The following MRPS28 variants were observed in gnomAD, a reference collection of about 807,000 sequenced individuals.
MRPS28 encodes the protein mitochondrial ribosomal protein S28, also known as small ribosomal subunit protein bS1m.
Under a neutral mutation model 10.8 loss-of-function variants are expected in MRPS28, and 7 were observed. That is an observed-to-expected ratio of 0.65 (90% CI 0.37 to 1.22). The LOEUF (loss-of-function observed/expected upper bound fraction) is 1.22, where lower values mean the gene tolerates loss of function less well. Ranked by LOEUF, MRPS28 falls within the 50% of genes most tolerant of loss-of-function variation. The pLI, the probability that MRPS28 is intolerant of heterozygous loss-of-function variation, is 0.02. For synonymous variants in MRPS28, 121 were observed against 93.3 expected, an observed-to-expected ratio of 1.30 and a Z score of -1.71; for missense variants, 265 against 232.9, an observed-to-expected ratio of 1.14 and a Z score of -0.90.
chr8:80,006,363 C>T (rs1808844904), intron 1 of MRPS28, among the ~76,000 whole-genome samples: 1 of 152,188 alleles, frequency 6.6e-6, no homozygotes, highest in Non-Finnish European at 1.5e-5. Context: ...AACTGAACAA[C>T]CTGCTCCTGA....
chr8:79,955,475 T>C (rs992157887), intron 2 of MRPS28, among the ~76,000 whole-genome samples: 2 of 152,098 alleles, frequency 1.3e-5, no homozygotes, highest in African/African-American at 4.8e-5. Context: ...CAAACTTTCT[T>C]CCACTATATA....
intron 2 of MRPS28, among the ~76,000 whole-genome samples, chr8:79,935,773 C>A (rs1806591660): frequency 6.6e-6 from 1 of 151,944 alleles, no homozygotes; most frequent in African/African-American, 2.4e-5. Context: ...ACAATGTAAG[C>A]CAGTATTTCT....
chr8:79,947,370 T>C (rs770008748), intron 2 of MRPS28, among the ~76,000 whole-genome samples: 13 of 152,260 alleles, frequency 8.5e-5, no homozygotes, highest in Non-Finnish European at 1.6e-4. Flanking sequence ...AAAAACAATA[T>C]TGTTTTGGAT....
intron 2 of MRPS28, among the ~76,000 whole-genome samples, chr8:79,985,949 C>A (rs1808150648): frequency 6.6e-6 from 1 of 152,086 alleles, no homozygotes; most frequent in Non-Finnish European, 1.5e-5. Flanking sequence ...ATCCTGATAC[C>A]AAAGCCTGGC....
chr8:79,969,354 G>C (rs1408935273), intron 2 of MRPS28, among the ~76,000 whole-genome samples: 1 of 152,092 alleles, frequency 6.6e-6, no homozygotes, highest in East Asian at 1.9e-4. Flanking sequence ...ACAACTATTT[G>C]AATTTCAATG....
chr8:80,021,128 G>A (rs1450086844), intron 1 of MRPS28, among the ~76,000 whole-genome samples: 3 of 151,096 alleles, frequency 2.0e-5, no homozygotes, highest in Admixed American at 1.3e-4. Flanking sequence ...TTAGCCTCCC[G>A]AGTAGCTGGG....
intron 2 of MRPS28, among the ~76,000 whole-genome samples, chr8:79,992,450 G>A (rs988242177): frequency 6.6e-6 from 1 of 152,018 alleles, no homozygotes; most frequent in Non-Finnish European, 1.5e-5. Context: ...GCACTTTTTT[G>A]TCTATGAAAC....
At chr8:79,956,658 G>C (rs1358406286) in intron 2 of MRPS28, 1 of 151,968 alleles carries the variant, frequency 6.6e-6, no homozygotes, top group Non-Finnish European at 1.5e-5. Flanking sequence ...GTAGACCCCA[G>C]TGTCTGTTGT....
At chr8:79,995,461 TCCA>T (rs1017505577) in intron 2 of MRPS28, among the ~76,000 whole-genome samples, 3 of 152,196 alleles carry the variant, frequency 2.0e-5, no homozygotes, top group African/African-American at 7.2e-5. Flanking sequence ...ATTGAATAAT[TCCA>T]CCTTATTTTT....
At chr8:79,955,312 T>C (rs556207489) in intron 2 of MRPS28, among the ~76,000 whole-genome samples, 15 of 152,286 alleles carry the variant, frequency 9.8e-5, no homozygotes, top group African/African-American at 3.1e-4. Context: ...ACTTCTCGAA[T>C]TTTAGGCTGT....
chr8:79,960,094 T>C (rs1279344408), intron 2 of MRPS28, among the ~76,000 whole-genome samples: 2 of 152,108 alleles, frequency 1.3e-5, no homozygotes, highest in Non-Finnish European at 2.9e-5. Flanking sequence ...GGCCTTTCCT[T>C]GAACAGAGCA....
chr8:79,923,492 T>C (rs1810147455), intron 2 of MRPS28, among the ~76,000 whole-genome samples: 1 of 152,192 alleles, frequency 6.6e-6, no homozygotes, highest in Non-Finnish European at 1.5e-5. Context: ...TCAAATAAAT[T>C]ATCATTAAAA....
chr8:79,970,366 A>G (rs553929667), intron 2 of MRPS28, among the ~76,000 whole-genome samples: 7 of 152,322 alleles, frequency 4.6e-5, no homozygotes, highest in Admixed American at 1.3e-4. Flanking sequence ...CTACATGTAG[A>G]AAATTCTCTA....
chr8:79,923,621 C>T (rs1810152845), intron 2 of MRPS28, among the ~76,000 whole-genome samples: 1 of 152,090 alleles, frequency 6.6e-6, no homozygotes, highest in South Asian at 2.1e-4. Context: ...AAGAATACTG[C>T]TGTCTTGAAA....
intron 2 of MRPS28, among the ~76,000 whole-genome samples, chr8:79,992,154 T>G (rs1586082667): frequency 6.6e-6 from 1 of 152,222 alleles, no homozygotes; most frequent in East Asian, 1.9e-4. Context: ...CCCTGGCTAA[T>G]ATCTTGACTG....
intron 2 of MRPS28, among the ~76,000 whole-genome samples, chr8:79,968,225 G>C (rs1304245893): frequency 6.6e-6 from 1 of 151,916 alleles, no homozygotes; most frequent in Non-Finnish European, 1.5e-5. Context: ...TTTTGTACTA[G>C]CTTCAATTTC....
At chr8:80,014,863 T>A (rs1809154506) in intron 1 of MRPS28, among the ~76,000 whole-genome samples, 1 of 152,196 alleles carries the variant, frequency 6.6e-6, no homozygotes, top group South Asian at 2.1e-4. Context: ...GAGATGTGTT[T>A]GATTGTCATG....
At chr8:80,019,724 T>C (rs1809303539) in intron 1 of MRPS28, among the ~76,000 whole-genome samples, 2 of 152,042 alleles carry the variant, frequency 1.3e-5, no homozygotes, top group African/African-American at 4.8e-5. Flanking sequence ...ATGACCTATG[T>C]AGAAAATCAA....
intron 1 of MRPS28, chr8:80,028,662 G>GGC (rs1809558299): frequency 2.1e-5 from 1 of 47,956 alleles, no homozygotes; most frequent in Admixed American, 2.0e-4. Context: ...GGGGGGCGGG[G>GGC]CCGGGCGGGG....
Sources: allele counts gnomAD v4.1 joint callset (sites outside exome capture counted in the v4.1 genomes callset), GRCh38; gene constraint gnomAD v4.1.1; transcripts MANE v1.5; gene names NCBI Gene and HGNC (gene_info 2026-07-23, HGNC 2026-07-21).